Variants in NRXN3 observed in about 807,000 individuals in gnomAD.
NRXN3 encodes the protein neurexin 3.
In NRXN3, 32 loss-of-function variants were observed where a neutral mutation model predicts 137.6. The ratio of observed to expected loss-of-function variants is 0.23; its 90% CI spans 0.18 to 0.31. The LOEUF is 0.31. Ranked by LOEUF, NRXN3 falls within the 10% of genes least tolerant of loss-of-function variation. The pLI, the probability that NRXN3 is intolerant of heterozygous loss-of-function variation, is 1.00. For synonymous variants in NRXN3, 798 were observed against 784.5 expected (o/e 1.02, Z -0.29); for missense variants, 1,574 against 2,062.5 (o/e 0.76, Z 4.59).
chr14:79,488,084 T>G (rs1048681321), intron 16 of NRXN3, among the ~76,000 whole-genome samples: 4 of 152,166 alleles, frequency 2.6e-5, no homozygotes, highest in Admixed American at 2.0e-4. Context: ...GCAGCTGTGT[T>G]ACACATATGA....
At chr14:78,299,266 G>T (rs2153528505) in intron 4 of NRXN3, among the ~76,000 whole-genome samples, 1 of 152,278 alleles carries the variant, frequency 6.6e-6, no homozygotes, top group East Asian at 1.9e-4. Flanking sequence ...GTGAGGGAGG[G>T]AAGGGCCAAC....
intron 19 of NRXN3, among the ~76,000 whole-genome samples, chr14:79,704,527 A>C (rs2371064): frequency 6.6e-6 from 1 of 151,934 alleles, no homozygotes; most frequent in African/African-American, 2.4e-5. Flanking sequence ...TGCTTTTACC[A>C]CTAGACAACA....
chr14:78,203,398 A>C (rs1258898265), intron 1 of NRXN3, among the ~76,000 whole-genome samples: 1 of 152,174 alleles, frequency 6.6e-6, no homozygotes, highest in African/African-American at 2.4e-5. Context: ...GTAGCCTGGG[A>C]TATGGCACTG....
chr14:78,588,307 T>A (rs1280169517), intron 4 of NRXN3, among the ~76,000 whole-genome samples: 1 of 152,266 alleles, frequency 6.6e-6, no homozygotes, highest in African/African-American at 2.4e-5. Flanking sequence ...TACCTTTCTA[T>A]CCTTTGCATA....
At chr14:79,251,806 T>C (rs992217106) in intron 15 of NRXN3, among the ~76,000 whole-genome samples, 1 of 151,932 alleles carries the variant, frequency 6.6e-6, no homozygotes, top group African/African-American at 2.4e-5. Flanking sequence ...TTATTCTCTC[T>C]TTTCTTTTTG....
chr14:79,569,630 T>TGTGAGA (rs775452045), intron 16 of NRXN3, among the ~76,000 whole-genome samples: 1 of 135,778 alleles, frequency 7.4e-6, no homozygotes, highest in East Asian at 2.2e-4. Flanking sequence ...TGTGTGTGTG[T>TGTGAGA]GAGAGAGAGA....
chr14:79,578,736 A>G lies in NRXN3; in HGVS notation c.3445-85042A>G, dbSNP rs559069326. ...ACCAAACCTATAATTTCCAAGTGAG[A>G]GAACAGGAAGCCTCATCTTGCTTTC... is the stretch of plus-strand genomic sequence containing the variant. On this transcript the variant is annotated intron_variant, in intron 16 of 20. Transcript: ENST00000335750. 7.9e-5 allele frequency among the ~76,000 whole-genome samples: 12 copies of G among 152,288 alleles called. No individual in the cohort carries two copies. The East Asian group carries it at 2.1e-3, about 27-fold the overall frequency.
intron 6 of NRXN3, among the ~76,000 whole-genome samples, chr14:78,693,289 T>C (rs2098191239): frequency 6.6e-6 from 1 of 151,792 alleles, no homozygotes; most frequent in South Asian, 2.1e-4. Context: ...TTCTAGACAG[T>C]TCCTCTCCTT....
Position 78,254,448 on chromosome 14 carries a change from AGGCAGGCAGATCACGAG to A in NRXN3, c.709+10648_709+10664del, listed in dbSNP as rs1443807841. Among the ~76,000 whole-genome samples the A allele has an allele frequency of 3.3e-5, 5 of 152,328 alleles. 1 individual carries two copies. Among genetic ancestry groups the A allele is most frequent in the South Asian group, 4.2e-4 (2 of 4,816 alleles). On this transcript the variant is annotated intron_variant, in intron 2 of 20. Coordinates refer to ENST00000335750, the MANE Select transcript of NRXN3 (RefSeq NM_001330195.2). ...GTAATCCCAGCACTTTGGGAGGCCG[AGGCAGGCAGATCACGAG>A]GTCAGGACATCGAAATCATCCTGGC...
At chr14:79,497,892 G>T (rs2096782508) in intron 16 of NRXN3, among the ~76,000 whole-genome samples, 1 of 151,998 alleles carries the variant, frequency 6.6e-6, no homozygotes, top group African/African-American at 2.4e-5. Context: ...AAATTAACTG[G>T]GCATAGTGGT....
At chr14:79,634,961 C>T (rs751864877) in intron 16 of NRXN3, among the ~76,000 whole-genome samples, 1 of 152,166 alleles carries the variant, frequency 6.6e-6, no homozygotes, top group Non-Finnish European at 1.5e-5. Flanking sequence ...ACATAATGCT[C>T]TCTAGGTTTA....
intron 1 of NRXN3, among the ~76,000 whole-genome samples, chr14:78,197,813 G>A (rs1288234232): frequency 6.6e-6 from 1 of 152,096 alleles, no homozygotes; most frequent in Non-Finnish European, 1.5e-5. Context: ...GGAGGAGAGG[G>A]GATGGCTTCT....
At chr14:79,020,721 A>T (rs1273608545) in intron 15 of NRXN3, among the ~76,000 whole-genome samples, 1 of 152,074 alleles carries the variant, frequency 6.6e-6, no homozygotes, top group Non-Finnish European at 1.5e-5. Context: ...GTTCTCTTTG[A>T]TCTTGGGGAA....
At chr14:79,826,927 T>C (rs1445839399) in intron 20 of NRXN3, among the ~76,000 whole-genome samples, 2 of 152,154 alleles carry the variant, frequency 1.3e-5, no homozygotes, top group African/African-American at 4.8e-5. Context: ...AAGATTTCAA[T>C]TTTTAGAATT....
At chr14:79,017,751 A>T (rs2099581720) in intron 15 of NRXN3, among the ~76,000 whole-genome samples, 1 of 152,118 alleles carries the variant, frequency 6.6e-6, no homozygotes, top group Admixed American at 6.6e-5. Flanking sequence ...CAGGGAAAGG[A>T]TAGAAGGAAC....
At chr14:78,960,682 T>G (rs1285560160) in intron 11 of NRXN3, among the ~76,000 whole-genome samples, 1 of 152,210 alleles carries the variant, frequency 6.6e-6, no homozygotes, top group Non-Finnish European at 1.5e-5. Flanking sequence ...TGGGGCCTAA[T>G]GCTGCATGAA....
intron 10 of NRXN3, among the ~76,000 whole-genome samples, chr14:78,949,988 C>G (rs939531502): frequency 1.3e-5 from 2 of 152,124 alleles, no homozygotes; most frequent in African/African-American, 4.8e-5. Flanking sequence ...CAATCACATT[C>G]AGCTTCAAAA....
intron 2 of NRXN3, among the ~76,000 whole-genome samples, chr14:78,254,156 G>T (rs1217040301): frequency 6.6e-6 from 1 of 152,010 alleles, no homozygotes; most frequent in East Asian, 2.0e-4. Context: ...AACAGTGTGG[G>T]AGGGCTTGAT....
chr14:78,949,572 C>T (rs766679529), intron 10 of NRXN3, among the ~76,000 whole-genome samples: 5 of 151,116 alleles, frequency 3.3e-5, no homozygotes, highest in Admixed American at 6.6e-5. Flanking sequence ...AATATTCTAC[C>T]TCAAAGGGCA....
Sources: allele counts gnomAD v4.1 joint callset (sites outside exome capture counted in the v4.1 genomes callset), GRCh38; gene constraint gnomAD v4.1.1; transcripts MANE v1.5; gene names NCBI Gene and HGNC (gene_info 2026-07-23, HGNC 2026-07-21).